Variants in PHC3 observed in about 807,000 individuals in gnomAD.
PHC3 encodes the protein polyhomeotic homolog 3.
A neutral mutation model predicts 107.4 loss-of-function variants in PHC3; 13 were observed. The observed-to-expected ratio is 0.12, with a 90% CI of 0.08 to 0.19. The LOEUF (loss-of-function observed/expected upper bound fraction) is 0.19, where lower values mean the gene tolerates loss of function less well. PHC3 is among the 10% of genes least tolerant of loss of function. The pLI, the probability that PHC3 is intolerant of heterozygous loss-of-function variation, is 1.00. For missense variants in PHC3, 992 were observed against 1,210.9 expected (o/e 0.82, Z 2.68); for synonymous variants, 456 against 427.4 (o/e 1.07, Z -0.83).
intron 14 of PHC3, among the ~76,000 whole-genome samples, chr3:170,098,059 A>C (rs1022605861): frequency 6.6e-6 from 1 of 152,184 alleles, no homozygotes; most frequent in Non-Finnish European, 1.5e-5. Flanking sequence ...TCTCATTGAA[A>C]TTATGAGCTT....
chr3:170,133,371 G>A (rs1270038391), intron 7 of PHC3, among the ~76,000 whole-genome samples: 2 of 151,964 alleles, frequency 1.3e-5, no homozygotes, highest in East Asian at 3.9e-4. Flanking sequence ...TAGAGACGGG[G>A]TTTCACCATG....
At chr3:170,126,617 C>T (rs1354109488) in intron 8 of PHC3, among the ~76,000 whole-genome samples, 1 of 149,736 alleles carries the variant, frequency 6.7e-6, no homozygotes, top group Non-Finnish European at 1.5e-5. Context: ...TCTCAGCTCA[C>T]TGCAACCTCT....
Position 170,129,502 on chromosome 3 carries a change from G to C in PHC3, c.970C>G (p.Pro324Ala), listed in dbSNP as rs1200410249. 1.2e-6 allele frequency: 2 copies of C among 1,613,552 alleles called. No individual in the cohort carries two copies. Among genetic ancestry groups the C allele is most frequent in the African/African-American group, 2.7e-5 (2 of 74,844 alleles). Residue 324 changes from proline to alanine, a missense_variant, in exon 8 of 15, where the codon CCT becomes GCT. Pro to Ala is a conservative substitution (Grantham distance 27, BLOSUM62 -1). This residue lies in a region of PHC3 where 543 missense variants were observed against 590.8 expected (regional missense o/e 0.92). Coordinates refer to ENST00000495893, the MANE Select transcript of PHC3 (RefSeq NM_024947.4). Reference protein sequence around the residue: ...PHSLIKHQQIPLHSPPSKVSH... With the variant: ...PHSLIKHQQIALHSPPSKVSH... ...ACTTTGGAAGGTGGTGAATGAAGAG[G>C]AATCTGCTGATGTTTTATTAGAGAA...
At chr3:170,129,705 AT>A (rs1199747690) in intron 7 of PHC3, among the ~76,000 whole-genome samples, 153 bp from the exon 8 acceptor site, 25 of 148,878 alleles carry the variant, frequency 1.7e-4, no homozygotes, top group Admixed American at 2.7e-4. Context: ...AAAAAAAAAA[AT>A]TTTTTTTTTT....
chr3:170,119,988 G>A (rs980395879), intron 9 of PHC3, among the ~76,000 whole-genome samples: 1 of 152,196 alleles, frequency 6.6e-6, no homozygotes, highest in Admixed American at 6.5e-5. Flanking sequence ...ACATTCCTGA[G>A]GAAAACATGG....
rs1278055603 is a variant in PHC3 at position 170,089,532 on chromosome 3, T to C, written c.*7698A>G. On this transcript the variant is annotated 3_prime_UTR_variant, in exon 15 of 15. Transcript: ENST00000495893. ...ATAGCTTAAAGTACAGTAACACTTA[T>C]TTTGTGTAATCTTTCTTAATTTAAA... is the stretch of plus-strand genomic sequence containing the variant. The C allele has an allele frequency of 2.0e-5, 3 of 152,260 alleles. No homozygotes were observed. Among genetic ancestry groups the C allele is most frequent in the Non-Finnish European group, 2.9e-5 (2 of 68,050 alleles). The allele number at this position is 152,260 out of a possible 1,614,324, so 9.4% of individuals were successfully genotyped here.
intron 12 of PHC3, among the ~76,000 whole-genome samples, chr3:170,106,128 CTT>C (rs1716462735): frequency 6.6e-6 from 1 of 152,132 alleles, no homozygotes; most frequent in African/African-American, 2.4e-5. Flanking sequence ...AGGAGAATCT[CTT>C]GAGACTGGGT....
intron 4 of PHC3, among the ~76,000 whole-genome samples, chr3:170,159,163 A>AC (rs1727419387): frequency 6.7e-6 from 1 of 149,572 alleles, no homozygotes; most frequent in South Asian, 2.1e-4. Flanking sequence ...AGGCAGGAGA[A>AC]CGGGCGTGAA....
chr3:170,175,461 G>C (rs1730276945), intron 2 of PHC3, among the ~76,000 whole-genome samples: 1 of 151,902 alleles, frequency 6.6e-6, no homozygotes, highest in African/African-American at 2.4e-5. Flanking sequence ...GACATAGTGA[G>C]ATCCTGTCTC....
rs548452428 is a variant in PHC3, at chr3:170,137,412, A to G, written c.673-747T>C. On this transcript the variant is annotated intron_variant, in intron 6 of 14. Coordinates refer to ENST00000495893, the MANE Select transcript of PHC3 (RefSeq NM_024947.4). ...GCTGAGATTTATAACCTTTCCAAAC[A>G]GCAAGATGCAAGACAGAAAAATGCT... Among the ~76,000 whole-genome samples, 27 of 152,298 alleles carry G rather than the reference A, an allele frequency of 1.8e-4. No homozygotes were observed. The South Asian group carries it at 5.4e-3, about 30-fold the overall frequency.
At chr3:170,155,746 C>T (rs1448804438) in intron 4 of PHC3, among the ~76,000 whole-genome samples, 1 of 151,866 alleles carries the variant, frequency 6.6e-6, no homozygotes, top group African/African-American at 2.4e-5. Context: ...AGAAAAATGA[C>T]TGCATTGGAT....
chr3:170,115,877 T>TCACA (rs148039100), intron 10 of PHC3, among the ~76,000 whole-genome samples: 2,749 of 148,544 alleles, frequency 0.019, 49 homozygotes, highest in African/African-American at 0.042. Context: ...TCCAAGTTTC[T>TCACA]CACACACACA....
At chr3:170,116,352 C>T (rs1282455151) in intron 10 of PHC3, among the ~76,000 whole-genome samples, 1 of 151,936 alleles carries the variant, frequency 6.6e-6, no homozygotes, top group Non-Finnish European at 1.5e-5. Context: ...TCACTTGAGG[C>T]CAGGAGTTTG....
chr3:170,101,796 TAG>T (rs1715522828), intron 14 of PHC3, among the ~76,000 whole-genome samples: 1 of 152,056 alleles, frequency 6.6e-6, no homozygotes, highest in Non-Finnish European at 1.5e-5. Flanking sequence ...GGAAAAAAGA[TAG>T]AGACTTAAGG....
intron 11 of PHC3, among the ~76,000 whole-genome samples, chr3:170,110,077 A>G (rs1717329675): frequency 6.6e-6 from 1 of 152,168 alleles, no homozygotes; most frequent in Non-Finnish European, 1.5e-5. Flanking sequence ...TATCCTGCTG[A>G]TATGATAACA....
At chr3:170,164,621 G>A (rs1201363242) in intron 4 of PHC3, among the ~76,000 whole-genome samples, 1 of 152,020 alleles carries the variant, frequency 6.6e-6, no homozygotes, top group Admixed American at 6.5e-5. Flanking sequence ...AAAAGGTAAA[G>A]GAAAAAATAC....
chr3:170,163,465 T>A (rs1482541962), intron 4 of PHC3, among the ~76,000 whole-genome samples: 24 of 19,666 alleles, frequency 1.2e-3, no homozygotes, highest in African/African-American at 2.5e-3. Context: ...GTAAAGAGTG[T>A]GTGTGTGTGT....
At position 170,129,125 on chromosome 3, in the gene PHC3, C is replaced by T; in HGVS notation, c.1347G>A (p.Gln449=). ...CTTGCACCTGATTAGCAGTGGACTG[C>T]TGCAAATTTGGCCCTGGCTGGAGAG... ...SSALQPGPNL[Q]QSTANQVQAT... The change falls in exon 8 of 15, where the codon CAG becomes CAA. Residue 449 remains glutamine (Q), a synonymous_variant. Transcript: ENST00000495893. The T allele has an allele frequency of 6.2e-7, 1 of 1,613,562 alleles. No individual in the cohort carries two copies. Among genetic ancestry groups the T allele is most frequent in the Non-Finnish European group, 8.5e-7 (1 of 1,179,698 alleles).
intron 6 of PHC3, among the ~76,000 whole-genome samples, chr3:170,144,171 A>G (rs1042527241): frequency 1.3e-5 from 2 of 151,074 alleles, no homozygotes; most frequent in Non-Finnish European, 3.0e-5. Context: ...AAAAAAAAAA[A>G]AAAAGAAAAA....
Sources: gnomAD v4.1 joint callset for allele counts (sites outside exome capture counted in the v4.1 genomes callset) on GRCh38, gnomAD v4.1.1 for gene constraint, gnomAD v4.1.1 regional missense constraint, MANE v1.5 for transcripts, NCBI Gene and HGNC (gene_info 2026-07-23, HGNC 2026-07-21) for gene names.